VPS26B: variants seen among roughly 807,000 people sequenced by gnomAD.
VPS26B encodes VPS26 retromer complex component B.
Under a neutral mutation model 33.3 loss-of-function variants are expected in VPS26B, and 10 were observed. The observed-to-expected ratio is 0.30, with a 90% confidence interval of 0.19 to 0.51. The LOEUF (loss-of-function observed/expected upper bound fraction) is 0.51, where lower values mean the gene tolerates loss of function less well. Ranked by LOEUF, VPS26B falls within the 20% of genes least tolerant of loss-of-function variation. The probability of loss-of-function intolerance (pLI) is 0.98; values close to 1 mark genes in which losing one functional copy is unlikely to be tolerated. For missense variants in VPS26B, 317 were observed against 452.7 expected (o/e 0.70, Z 2.72); for synonymous variants, 190 against 176.9 (o/e 1.07, Z -0.59).
At position 134,246,946 on chromosome 11, in the gene VPS26B, G is replaced by A. The variant is rs1313744765; in HGVS notation, c.*1356G>A. 2.0e-5 allele frequency: 3 copies of A among 152,002 alleles called. No individual in the cohort carries two copies. Among genetic ancestry groups the A allele is most frequent in the Admixed American group, 6.5e-5 (1 of 15,272 alleles). The allele number at this position is 152,002 out of a possible 1,614,324, so 9.4% of individuals were successfully genotyped here. On this transcript the variant is annotated 3_prime_UTR_variant, in exon 6 of 6. Coordinates refer to ENST00000281187, the MANE Select transcript of VPS26B (RefSeq NM_052875.5). ...ACCAAGCAGGCCCCACTGGCCAAGA[G>A]GTACGGTATTTGGCAGTCTGAGTTC...
At position 134,245,792 on chromosome 11, in the gene VPS26B, T is replaced by C. The variant is rs1479502483; in HGVS notation, c.*202T>C. On this transcript the variant is annotated 3_prime_UTR_variant, in exon 6 of 6. Transcript: ENST00000281187. The surrounding 1 kb of genome is among the most constrained non-coding windows in gnomAD (Gnocchi z 4.7). ...GGGAAGCAGTCTCTCCTTGGGATTC[T>C]GCGGCCGATGTGGGATAGAAGAGGT... The C allele has an allele frequency of 8.9e-6, 6 of 674,948 alleles. No homozygotes were observed. The highest frequency in any genetic ancestry group is 5.4e-5 in the African/African-American group (3 of 55,360). 41.8% of individuals were successfully genotyped at this position (674,948 alleles called of 1,614,324 possible).
chr11:134,238,968 C>T (rs1938677975), intron 2 of VPS26B, among the ~76,000 whole-genome samples: 1 of 152,146 alleles, frequency 6.6e-6, no homozygotes, highest in Non-Finnish European at 1.5e-5. Context: ...AAAGAAAATA[C>T]AATTTATTAT....
At chr11:134,236,179 GA>G (rs530613613) in intron 2 of VPS26B, among the ~76,000 whole-genome samples, 9 of 151,236 alleles carry the variant, frequency 6.0e-5, no homozygotes, top group Admixed American at 4.0e-4. Context: ...TTTTTTAAAA[GA>G]AAAAAAACAA....
At chr11:134,228,985 G>C (rs543398018) in intron 1 of VPS26B, among the ~76,000 whole-genome samples, 9 of 152,236 alleles carry the variant, frequency 5.9e-5, no homozygotes, top group African/African-American at 2.2e-4. Flanking sequence ...CCTGTCACTT[G>C]CTGTGGCAAT....
chr11:134,244,889 A>T lies in VPS26B; in HGVS notation c.722-49A>T. ...TGGTCAGAGTGACCTGGTATAAGGGAGAGGGCATCACCTTGCCCCCTGTGC... is the reference window on the plus strand; with the variant it reads ...TGGTCAGAGTGACCTGGTATAAGGGTGAGGGCATCACCTTGCCCCCTGTGC... On this transcript the variant is annotated intron_variant, in intron 4 of 5. Coordinates refer to ENST00000281187, the MANE Select transcript of VPS26B (RefSeq NM_052875.5). This position sits in a 1 kb window ranked among gnomAD's most constrained non-coding sequence, Gnocchi z 4.0. 6.3e-7 allele frequency: 1 copy of T among 1,592,534 alleles called. No individual in the cohort carries two copies. Among genetic ancestry groups the T allele is most frequent in the Non-Finnish European group, 8.5e-7 (1 of 1,173,728 alleles).
At position 134,245,591 on chromosome 11, in the gene VPS26B, G is replaced by T; in HGVS notation, c.*1G>T. 6.2e-7 allele frequency: 1 copy of T among 1,605,820 alleles called. No homozygotes were observed. Among genetic ancestry groups the T allele is most frequent in the Non-Finnish European group, 8.5e-7 (1 of 1,177,868 alleles). ...GTCTGACAACAACTGCAGGCAGTAGGCCCCCAGGGCCGAGAAGATGCTGGG... is the reference window on the plus strand; with the variant it reads ...GTCTGACAACAACTGCAGGCAGTAGTCCCCCAGGGCCGAGAAGATGCTGGG... On this transcript the variant is annotated 3_prime_UTR_variant, in exon 6 of 6. Coordinates refer to ENST00000281187, the MANE Select transcript of VPS26B (RefSeq NM_052875.5). The surrounding 1 kb of genome is among the most constrained non-coding windows in gnomAD (Gnocchi z 4.7).
chr11:134,225,090 T>C lies in VPS26B; in HGVS notation c.-33T>C, dbSNP rs1938416082. 6.4e-7 allele frequency: 1 copy of C among 1,568,956 alleles called. No homozygotes were observed. Among genetic ancestry groups the C allele is most frequent in the African/African-American group, 1.4e-5 (1 of 74,020 alleles). On this transcript the variant is annotated 5_prime_UTR_variant, in exon 1 of 6. Coordinates refer to ENST00000281187, the MANE Select transcript of VPS26B (RefSeq NM_052875.5). Reference sequence around the variant, plus strand: ...CCCGCGCCCCGGTGCGAGGGAGCGGTCCTTACCGAGACCCGCCCGGCCCGG... The same window carrying C: ...CCCGCGCCCCGGTGCGAGGGAGCGGCCCTTACCGAGACCCGCCCGGCCCGG...
intron 2 of VPS26B, among the ~76,000 whole-genome samples, chr11:134,237,609 AGAG>A (rs2136050317): frequency 6.6e-6 from 1 of 152,282 alleles, no homozygotes; most frequent in African/African-American, 2.4e-5. Flanking sequence ...GAGCACAAGG[AGAG>A]GAGAGCCAGG....
In VPS26B at chr11:134,239,978, C is replaced by CCGT. The variant is rs1938692051; in HGVS notation, c.381-11_381-9dup. 4 of 1,613,872 alleles carry CCGT rather than the reference C, an allele frequency of 2.5e-6. No individual in the cohort carries two copies. Among genetic ancestry groups the CCGT allele is most frequent in the Non-Finnish European group, 3.4e-6 (4 of 1,179,998 alleles). ...CTGGGAGTGTTTATTCATGACAGTTCCGTCTCCTACAGCTATTTCCTTCGT... is the reference window on the plus strand; with the variant it reads ...CTGGGAGTGTTTATTCATGACAGTTCCGTCGTCTCCTACAGCTATTTCCTTCGT... On this transcript the variant is annotated splice_polypyrimidine_tract_variant and intron_variant, in intron 2 of 5. Transcript: ENST00000281187.
At chr11:134,225,374 C>G in intron 1 of VPS26B, 29 bp downstream of exon 1, 1 of 1,609,120 alleles carries the variant, frequency 6.2e-7, no homozygotes, top group Non-Finnish European at 8.5e-7. Flanking sequence ...CCCCCTCCCC[C>G]AGCGCCGACA....
rs190528552 is a variant in VPS26B, at chr11:134,232,918, C to T, written c.224-1979C>T. Among the ~76,000 whole-genome samples the T allele has an allele frequency of 5.2e-3, 785 of 152,236 alleles. 2 individuals are homozygous for T. The highest frequency in any genetic ancestry group is 0.038 in the Middle Eastern group (11 of 292). ...AAGAGTAAGCCGAGGAGTCCCTGTC[C>T]CCGGGGCTGGCCGCGGCTCCGCTTC... On this transcript the variant is annotated intron_variant, in intron 1 of 5. Coordinates refer to ENST00000281187, the MANE Select transcript of VPS26B (RefSeq NM_052875.5).
At chr11:134,238,526 C>T (rs954058572) in intron 2 of VPS26B, among the ~76,000 whole-genome samples, 3 of 152,190 alleles carry the variant, frequency 2.0e-5, no homozygotes, top group African/African-American at 7.2e-5. Context: ...GCCAGTGCCA[C>T]ACAGAGGATA....
At chr11:134,225,590 G>A (rs558182600) in intron 1 of VPS26B, 87 of 526,160 alleles carry the variant, frequency 1.7e-4, no homozygotes, top group African/African-American at 1.5e-3. Context: ...GCGCCCTGCT[G>A]TGCCTCGTGG....
rs1164382243 is a variant in VPS26B, at chr11:134,245,647, C to T, written c.*57C>T. On this transcript the variant is annotated 3_prime_UTR_variant, in exon 6 of 6. Coordinates refer to ENST00000281187, the MANE Select transcript of VPS26B (RefSeq NM_052875.5). The surrounding 1 kb of genome is among the most constrained non-coding windows in gnomAD (Gnocchi z 4.7). ...ACCCAGCACCCCCATCTACCAACAC[C>T]AGCGGCTGGGGGCGGGGGCGGACCT... 36 of 1,538,914 alleles carry T rather than the reference C, an allele frequency of 2.3e-5. No individual in the cohort carries two copies. Among genetic ancestry groups the T allele is most frequent in the Non-Finnish European group, 2.9e-5 (33 of 1,142,356 alleles).
intron 2 of VPS26B, chr11:134,239,731 C>T (rs1938688320): frequency 4.2e-6 from 2 of 478,422 alleles, no homozygotes; most frequent in East Asian, 7.9e-5. Flanking sequence ...GGATTCTTGA[C>T]CCGGGGGCAT....
At chr11:134,243,556 G>A (rs1434416648) in intron 4 of VPS26B, 1 of 429,502 alleles carries the variant, frequency 2.3e-6, no homozygotes, top group Non-Finnish European at 4.1e-6. Flanking sequence ...ACTGAAGATT[G>A]AACCTCAAGC....
intron 1 of VPS26B, among the ~76,000 whole-genome samples, chr11:134,233,596 A>T (rs1354253431): frequency 6.6e-6 from 1 of 152,188 alleles, no homozygotes; most frequent in Non-Finnish European, 1.5e-5. Context: ...GTGGTGGCAG[A>T]TGCCTGTAGT....
chr11:134,235,720 T>C (rs1003143754), intron 2 of VPS26B: 1 of 152,212 alleles, frequency 6.6e-6, no homozygotes, highest in African/African-American at 2.4e-5. Context: ...GTTCTTAAAA[T>C]GTGAACACAT....
chr11:134,242,670 G>A (rs527642528), intron 3 of VPS26B, among the ~76,000 whole-genome samples: 10 of 152,362 alleles, frequency 6.6e-5, no homozygotes, highest in African/African-American at 1.4e-4. Flanking sequence ...CTGGCCTGTC[G>A]GCCTAGAGCG....
Sources: gnomAD v4.1 joint callset for allele counts (sites outside exome capture counted in the v4.1 genomes callset) on GRCh38, gnomAD v4.1.1 for gene constraint, Gnocchi (gnomAD v3.1) non-coding constraint, MANE v1.5 for transcripts, NCBI Gene and HGNC (gene_info 2026-07-23, HGNC 2026-07-21) for gene names.